Variants in GDPD3 observed in about 807,000 individuals in gnomAD.
GDPD3 encodes glycerophosphodiester phosphodiesterase domain containing 3.
In GDPD3, 40 loss-of-function variants were observed where a neutral mutation model predicts 43.7. The ratio of observed to expected loss-of-function variants is 0.91; its 90% CI spans 0.71 to 1.19. The LOEUF (loss-of-function observed/expected upper bound fraction) is 1.19. Ranked by LOEUF, GDPD3 falls within the 50% of genes most tolerant of loss-of-function variation. GDPD3 has a pLI of 0.00. For missense variants in GDPD3, 363 were observed against 415.8 expected, an observed-to-expected ratio of 0.87 and a Z score of 1.11; for synonymous variants, 145 against 162.9, an observed-to-expected ratio of 0.89 and a Z score of 0.84.
chr16:30,111,626 C>A, intron 6 of GDPD3, 105 bp from the exon 7 acceptor site: 1 of 1,256,600 alleles, frequency 8.0e-7, no homozygotes. Context: ...GCCCTACTAC[C>A]TGCAGGATCC....
chr16:30,110,206 G>C (rs2072889181), intron 7 of GDPD3, among the ~76,000 whole-genome samples: 1 of 152,124 alleles, frequency 6.6e-6, no homozygotes, highest in South Asian at 2.1e-4. Flanking sequence ...GGAGGCCGAG[G>C]CAGGCGGATC....
intron 6 of GDPD3, 74 bp from the exon 7 acceptor site, chr16:30,111,595 G>A: frequency 6.6e-7 from 1 of 1,517,486 alleles, no homozygotes; most frequent in Admixed American, 1.8e-5. Flanking sequence ...CTGCAGGGGA[G>A]CCGTGGTGGG....
intron 8 of GDPD3, 54 bp downstream of exon 8, chr16:30,108,319 G>A: frequency 6.2e-7 from 1 of 1,612,782 alleles, no homozygotes; most frequent in South Asian, 1.1e-5. Context: ...CTGGGAGAAG[G>A]GCAGCAGTAG....
chr16:30,104,933 T>A lies in GDPD3; in HGVS notation c.896A>T (p.Asp299Val). The stretch of plus-strand genomic sequence containing the variant: ...GTAGTGCCGCAGGGCTGTGGGATAA[T>A]CCGTTATGACGCCAGTGGCTCCCAC... ...FSVGATGVIT[D>V]YPTALRHYLD... Residue 299 changes from aspartate (D) to valine (V), a missense_variant, in exon 10 of 10, where the codon GAT (aspartate) becomes GTT (valine). By Grantham distance (152) the Asp-to-Val change is radical. Coordinates refer to ENST00000406256, the MANE Select transcript of GDPD3 (RefSeq NM_024307.3). 1 of 1,612,822 alleles carries A rather than the reference T, an allele frequency of 6.2e-7. No individual in the cohort carries two copies. The highest frequency in any genetic ancestry group is 8.5e-7 in the Non-Finnish European group (1 of 1,179,960).
At chr16:30,111,714 C>G in intron 6 of GDPD3, 193 bp from the exon 7 acceptor site, 1 of 602,154 alleles carries the variant, frequency 1.7e-6, no homozygotes, top group Non-Finnish European at 2.9e-6. Flanking sequence ...AGGTGGATCA[C>G]CTGAGATCAG....
rs548828892 is a variant in GDPD3, at chr16:30,108,537, C to T, written c.708-105G>A. 401 of 984,572 alleles carry T rather than the reference C, an allele frequency of 4.1e-4. 5 individuals carry two copies. In the South Asian group the frequency reaches 4.7e-3, roughly 11 times the overall value. 61.0% of individuals were successfully genotyped at this position (984,572 alleles called of 1,614,324 possible). On this transcript the variant is annotated intron_variant, in intron 7 of 9. Transcript: ENST00000406256. ...CAACTAGGGTAGCGCTGCCCTCCCA[C>T]CCCCCAGAATCCCCCAGAATAACCT...
At position 30,112,685 on chromosome 16, in the gene GDPD3, G is replaced by C. The variant is rs1406263673; in HGVS notation, c.291C>G (p.Asn97Lys). 6.2e-7 allele frequency: 1 copy of C among 1,614,072 alleles called. No homozygotes were observed. The highest frequency in any genetic ancestry group is 1.7e-5 in the Admixed American group (1 of 60,016). Reference sequence around the variant, plus strand: ...CGAAGTCCAGGCTGCCCACATCCCTGTTTAGGCCCGACTGGCGGCACAGGT... The same window carrying C: ...CGAAGTCCAGGCTGCCCACATCCCTCTTTAGGCCCGACTGGCGGCACAGGT... ...DENLCRQSGL[N>K]RDVGSLDFED... The change falls in exon 3 of 10, where the codon AAC becomes AAG. Residue 97 changes from asparagine to lysine, a missense_variant. Transcript: ENST00000406256. The surrounding 1 kb of genome is among the most constrained non-coding windows in gnomAD (Gnocchi z 5.4).
Position 30,112,973 on chromosome 16 carries a change from G to C in GDPD3, c.182+49C>G, listed in dbSNP as rs759377513. 1 of 1,583,156 alleles carries C rather than the reference G, an allele frequency of 6.3e-7. No homozygotes were observed. ...CGTCCCTTGCTGTGATGCAGTCCACGACCTGCACACCCTCACATGGCAGCC... is the reference window on the plus strand; with the variant it reads ...CGTCCCTTGCTGTGATGCAGTCCACCACCTGCACACCCTCACATGGCAGCC... On this transcript the variant is annotated intron_variant, in intron 2 of 9. Transcript: ENST00000406256. The surrounding 1 kb of genome is among the most constrained non-coding windows in gnomAD (Gnocchi z 5.4).
chr16:30,111,187 C>A, intron 7 of GDPD3: 1 of 590,110 alleles, frequency 1.7e-6, no homozygotes, highest in Non-Finnish European at 3.0e-6. Flanking sequence ...CCTCTCTATC[C>A]TAAAACTCCA....
chr16:30,109,578 G>A (rs946327109), intron 7 of GDPD3, among the ~76,000 whole-genome samples: 43 of 151,670 alleles, frequency 2.8e-4, no homozygotes, highest in African/African-American at 9.0e-4. Flanking sequence ...AGGCCGAGGC[G>A]GGTGGATCAC....
At position 30,113,202 on chromosome 16, in the gene GDPD3, T is replaced by A. The variant is rs1020209062; in HGVS notation, c.139+138A>T. 86 of 1,378,406 alleles carry A rather than the reference T, an allele frequency of 6.2e-5. No individual in the cohort carries two copies. The highest frequency in any genetic ancestry group is 8.3e-5 in the Non-Finnish European group (83 of 1,003,342). 85.4% of individuals were successfully genotyped at this position (1,378,406 alleles called of 1,614,324 possible). A position where few individuals can be genotyped will look rare whatever the true frequency, so the allele number is the denominator to read the frequency against. ...AGCCAGCCCAGGCTGCGCCAGCATC[T>A]TCTTCCTCGTCCACACCCTGCCCTG... is the stretch of plus-strand genomic sequence containing the variant. On this transcript the variant is annotated intron_variant, in intron 1 of 9. Transcript: ENST00000406256. The surrounding 1 kb of genome is among the most constrained non-coding windows in gnomAD (Gnocchi z 5.9).
intron 7 of GDPD3, among the ~76,000 whole-genome samples, chr16:30,109,901 G>T (rs759419581): frequency 6.6e-6 from 1 of 152,136 alleles, no homozygotes; most frequent in African/African-American, 2.4e-5. Context: ...TTAGTGGGAC[G>T]ACCCCTAATT....
rs989811316 is a variant in GDPD3, at chr16:30,112,896, A to G, written c.183-103T>C. The G allele has an allele frequency of 2.7e-6, 4 of 1,491,716 alleles. No homozygotes were observed. Among genetic ancestry groups the G allele is most frequent in the Non-Finnish European group, 3.7e-6 (4 of 1,078,604 alleles). 92.4% of individuals were successfully genotyped at this position (1,491,716 alleles called of 1,614,324 possible). On this transcript the variant is annotated intron_variant, in intron 2 of 9. Transcript: ENST00000406256. The surrounding 1 kb of genome is among the most constrained non-coding windows in gnomAD (Gnocchi z 5.4). ...ATGTGAGAGCGGAGTTCGTGGCGGG[A>G]TGTGCAGGCCACCTCCAGGGGGCGC...
At chr16:30,111,725 G>A in intron 6 of GDPD3, 1 of 587,170 alleles carries the variant, frequency 1.7e-6, no homozygotes, top group Non-Finnish European at 3.0e-6. Context: ...CTGAGATCAG[G>A]AGTTCAAGAC....
chr16:30,109,966 TG>T (rs1172096624), intron 7 of GDPD3, among the ~76,000 whole-genome samples: 1 of 152,126 alleles, frequency 6.6e-6, no homozygotes, highest in African/African-American at 2.4e-5. Context: ...GGGCAGGCTC[TG>T]GAGTCAGACC....
chr16:30,111,680 C>G, intron 6 of GDPD3, 159 bp from the exon 7 acceptor site: 1 of 742,172 alleles, frequency 1.3e-6, no homozygotes, highest in Non-Finnish European at 2.2e-6. Context: ...CGCCTGTAAC[C>G]TCAGCAGTTT....
chr16:30,112,888 G>A lies in GDPD3; in HGVS notation c.183-95C>T, dbSNP rs957544056. On this transcript the variant is annotated intron_variant, in intron 2 of 9. Transcript: ENST00000406256. The surrounding 1 kb of genome is among the most constrained non-coding windows in gnomAD (Gnocchi z 5.4). ...GGCCGGGAATGTGAGAGCGGAGTTCGTGGCGGGATGTGCAGGCCACCTCCA... is the reference window on the plus strand; with the variant it reads ...GGCCGGGAATGTGAGAGCGGAGTTCATGGCGGGATGTGCAGGCCACCTCCA... 18 of 1,510,694 alleles carry A rather than the reference G, an allele frequency of 1.2e-5. No homozygotes were observed. Among genetic ancestry groups the A allele is most frequent in the South Asian group, 4.5e-5 (4 of 88,288 alleles). 93.6% of individuals were successfully genotyped at this position (1,510,694 alleles called of 1,614,324 possible). A position where few individuals can be genotyped will look rare whatever the true frequency, so the allele number is the denominator to read the frequency against.
At chr16:30,111,590 G>A in intron 6 of GDPD3, 69 bp from the exon 7 acceptor site, 1 of 1,556,094 alleles carries the variant, frequency 6.4e-7, no homozygotes, top group Non-Finnish European at 8.8e-7. Context: ...ATGAGCTGCA[G>A]GGGAGCCGTG....
At chr16:30,109,472 G>A (rs1056853852) in intron 7 of GDPD3, among the ~76,000 whole-genome samples, 2 of 152,066 alleles carry the variant, frequency 1.3e-5, no homozygotes, top group African/African-American at 4.8e-5. Context: ...TCGCACTACT[G>A]CACTCCAGCC....
Sources: allele counts gnomAD v4.1 joint callset (sites outside exome capture counted in the v4.1 genomes callset), GRCh38; gene constraint gnomAD v4.1.1; non-coding constraint Gnocchi (gnomAD v3.1); transcripts MANE v1.5; gene names NCBI Gene and HGNC (gene_info 2026-07-23, HGNC 2026-07-21).